Variants in ARSH observed in about 807,000 individuals in gnomAD.
ARSH encodes the protein arylsulfatase family member H, also known as arylsulfatase H.
In ARSH, 32 loss-of-function variants were observed where a neutral mutation model predicts 28.7. That is an observed-to-expected ratio of 1.11 (90% CI 0.84 to 1.50). The LOEUF (loss-of-function observed/expected upper bound fraction) is 1.50, where lower values mean the gene tolerates loss of function less well. ARSH is among the 40% of genes most tolerant of loss of function. The probability of loss-of-function intolerance (pLI) is 0.00; values close to 1 mark genes in which losing one functional copy is unlikely to be tolerated. For synonymous variants in ARSH, 176 were observed against 177.3 expected, an observed-to-expected ratio of 0.99 and a Z score of 0.06; for missense variants, 440 against 452.4, an observed-to-expected ratio of 0.97 and a Z score of 0.25.
At position 3,015,196 on chromosome X, in the gene ARSH, G is replaced by T; in HGVS notation, c.567G>T (p.Trp189Cys). ...FLLLIPKFARWFSVPWKVIFV... is the reference protein window; with the variant it reads ...FLLLIPKFARCFSVPWKVIFV... ...TTCTCATTCCCAAGTTCGCCCGCTGGTTCTCAGTGCCATGGAAGGTCATCT... is the reference window on the plus strand; with the variant it reads ...TTCTCATTCCCAAGTTCGCCCGCTGTTTCTCAGTGCCATGGAAGGTCATCT... Residue 189 changes from tryptophan to cysteine, a missense_variant, in exon 4 of 9, where the codon TGG (tryptophan) becomes TGT (cysteine). Physicochemically the swap from Trp to Cys is radical, Grantham distance 215 (BLOSUM62 -2). Coordinates refer to ENST00000381130, the MANE Select transcript of ARSH (RefSeq NM_001011719.2). The T allele has an allele frequency of 1.7e-6, 2 of 1,210,544 alleles. No homozygotes were observed. The highest frequency in any genetic ancestry group is 2.2e-6 in the Non-Finnish European group (2 of 894,960).
intron 6 of ARSH, among the ~76,000 whole-genome samples, chrX:3,025,052 A>G (rs1158262721): frequency 9.1e-6 from 1 of 110,173 alleles, no homozygotes; most frequent in African/African-American, 3.3e-5. Context: ...TATAATCACT[A>G]TGTATATAAA....
intron 2 of ARSH, among the ~76,000 whole-genome samples, chrX:3,010,713 C>G (rs781130446): frequency 2.7e-5 from 3 of 112,028 alleles, no homozygotes; most frequent in Non-Finnish European, 5.6e-5. Context: ...CACTCAAGAT[C>G]AATATTATGA....
At chrX:3,024,296 A>T (rs1010092426) in intron 6 of ARSH, 141 bp downstream of exon 6, 131 of 711,861 alleles carry the variant, frequency 1.8e-4, no homozygotes, top group Non-Finnish European at 2.4e-4. Flanking sequence ...CCGAAAAAAA[A>T]AAAAAGCTGC....
intron 8 of ARSH, among the ~76,000 whole-genome samples, chrX:3,029,868 A>G (rs758261201): frequency 1.8e-4 from 20 of 110,875 alleles, no homozygotes; most frequent in Non-Finnish European, 3.2e-4. Context: ...TGTGAGAGAG[A>G]TTTGTGCCCA....
chrX:3,026,786 T>C (rs1277360435), intron 6 of ARSH, among the ~76,000 whole-genome samples: 2 of 112,197 alleles, frequency 1.8e-5, no homozygotes, highest in Non-Finnish European at 3.8e-5. Flanking sequence ...GGGTAAAGTT[T>C]TTTAGCTTGT....
intron 1 of ARSH, among the ~76,000 whole-genome samples, chrX:3,007,070 C>T (rs889661607): frequency 7.5e-5 from 8 of 107,377 alleles, no homozygotes; most frequent in Non-Finnish European, 1.1e-4. Context: ...AGGGAGACCC[C>T]GTCTCTACAA....
rs965548173 is a variant in ARSH at position 3,028,060 on chromosome X, G to C, written c.1199+585G>C. Among the ~76,000 whole-genome samples the C allele has an allele frequency of 3.6e-5, 4 of 111,026 alleles. No homozygotes were observed. In the Admixed American group the frequency reaches 3.8e-4, roughly 11 times the overall value. On this transcript the variant is annotated intron_variant, in intron 7 of 8. Coordinates refer to ENST00000381130, the MANE Select transcript of ARSH (RefSeq NM_001011719.2). The stretch of plus-strand genomic sequence containing the variant: ...AGAGATTGCAGTGAGCCGAGATCTC[G>C]TCACTGCACTCCAGCCTGGGTGACA...
chrX:3,013,340 A>G (rs745824498), intron 3 of ARSH, among the ~76,000 whole-genome samples, 168 bp downstream of exon 3: 2 of 111,553 alleles, frequency 1.8e-5, no homozygotes, highest in East Asian at 2.8e-4. Context: ...GAGCATGTGT[A>G]GAATCGAGGG....
In ARSH at chrX:3,016,999, C is replaced by G. The variant is rs750077430; in HGVS notation, c.765-1535C>G. Among the ~76,000 whole-genome samples the G allele has an allele frequency of 9.1e-5, 10 of 110,495 alleles. No homozygotes were observed. The East Asian group carries it at 2.9e-3, about 32-fold the overall frequency. On this transcript the variant is annotated intron_variant, in intron 4 of 8. Coordinates refer to ENST00000381130, the MANE Select transcript of ARSH (RefSeq NM_001011719.2). ...GGAGAGGGGAGGATATATTGTTACT[C>G]CACCAGGCTGAAGGGTATGCAGTGG...
chrX:3,032,419 A>G (rs2089916780), intron 8 of ARSH, among the ~76,000 whole-genome samples: 1 of 101,969 alleles, frequency 9.8e-6, no homozygotes, highest in African/African-American at 3.7e-5. Context: ...GAAGGAAAGG[A>G]AGGAAGGAAG....
intron 7 of ARSH, among the ~76,000 whole-genome samples, chrX:3,028,752 G>A (rs1733854435): frequency 9.0e-6 from 1 of 110,810 alleles, no homozygotes; most frequent in Non-Finnish European, 1.9e-5. Flanking sequence ...CTTTCTTTTT[G>A]TTATAAAATG....
intron 6 of ARSH, among the ~76,000 whole-genome samples, chrX:3,027,026 C>T (rs182724658): frequency 9.1e-5 from 10 of 110,124 alleles, no homozygotes; most frequent in Non-Finnish European, 1.5e-4. Flanking sequence ...GGCGTGATCT[C>T]GGCTCACCAC....
In ARSH at chrX:3,033,833, G is replaced by A. The variant is rs1194808522; in HGVS notation, c.*448G>A. 2.7e-5 allele frequency among the ~76,000 whole-genome samples: 3 copies of A among 111,362 alleles called. No homozygotes were observed. The highest frequency in any genetic ancestry group is 5.6e-5 in the Non-Finnish European group (3 of 53,170). On this transcript the variant is annotated 3_prime_UTR_variant, in exon 9 of 9. Transcript: ENST00000381130. ...GTCACATAAAACTTGAAGTAGTGCT[G>A]TTATAGTCAGTTTGACTTCTTGATT...
chrX:3,024,264 G>T, intron 6 of ARSH, 109 bp downstream of exon 6: 1 of 786,753 alleles, frequency 1.3e-6, no homozygotes, highest in Non-Finnish European at 1.7e-6. Flanking sequence ...TTTGATGTGA[G>T]TTAGACTCTT....
At chrX:3,027,776 C>A (rs986022240) in intron 7 of ARSH, among the ~76,000 whole-genome samples, 6 of 111,860 alleles carry the variant, frequency 5.4e-5, no homozygotes, top group African/African-American at 1.9e-4. Flanking sequence ...GACCATTATG[C>A]AATTAAGTGT....
intron 1 of ARSH, among the ~76,000 whole-genome samples, chrX:3,007,332 G>GCCACCTCTGTGTAGTTGCAGAATTTT (rs1555913781): frequency 9.3e-6 from 1 of 108,081 alleles, no homozygotes; most frequent in Non-Finnish European, 2.0e-5. Context: ...TTGGACAACC[G>GCCACCTCTGTGTAGTTGCAGAATTTT]TCACCCCCAC....
rs775457220 is a variant in ARSH, at chrX:3,033,431, T to A, written c.*46T>A. 1.8e-6 allele frequency: 2 copies of A among 1,137,760 alleles called. No homozygotes were observed. The highest frequency in any genetic ancestry group is 2.3e-6 in the Non-Finnish European group (2 of 851,887). The allele number at this position is 1,137,760 out of a possible 1,213,427, so 93.8% of individuals were successfully genotyped here. A position where few individuals can be genotyped will look rare whatever the true frequency, so the allele number is the denominator to read the frequency against. ...ACCCACCACAAACTTACTGTTACAA[T>A]GGTCATAGGAGCAGAGCTCACCTGA... On this transcript the variant is annotated 3_prime_UTR_variant, in exon 9 of 9. Transcript: ENST00000381130.
At chrX:3,019,596 A>G (rs913296632) in intron 5 of ARSH, among the ~76,000 whole-genome samples, 55 of 111,246 alleles carry the variant, frequency 4.9e-4, no homozygotes, top group Admixed American at 1.9e-4. Flanking sequence ...ATTTTGGAAT[A>G]CAGTACTTTT....
chrX:3,019,102 T>C (rs5982980), intron 5 of ARSH, among the ~76,000 whole-genome samples: 1,283 of 109,563 alleles, frequency 0.012, 19 homozygotes, highest in African/African-American at 0.04. Flanking sequence ...CCATCTCTAC[T>C]GAAAATACAA....
Sources: allele counts gnomAD v4.1 joint callset (sites outside exome capture counted in the v4.1 genomes callset), GRCh38; gene constraint gnomAD v4.1.1; transcripts MANE v1.5; gene names NCBI Gene and HGNC (gene_info 2026-07-23, HGNC 2026-07-21).